TEX2: variants seen among roughly 807,000 people sequenced by gnomAD.
The protein encoded by TEX2 is testis expressed 2, also known as testis-expressed protein 2.
A neutral mutation model predicts 106.9 loss-of-function variants in TEX2; 53 were observed. The observed-to-expected ratio is 0.50, with a 90% CI of 0.40 to 0.62. The LOEUF is 0.62. Among genes scored for constraint, TEX2 ranks in the 20% least tolerant of loss-of-function variants. The probability of loss-of-function intolerance (pLI) is 0.00; values close to 1 mark genes in which losing one functional copy is unlikely to be tolerated. For synonymous variants in TEX2, 523 were observed against 534.8 expected (o/e 0.98, Z 0.30); for missense variants, 1,207 against 1,379.0 (o/e 0.88, Z 1.98).
At chr17:64,220,518 C>T (rs1369096613) in intron 1 of TEX2, among the ~76,000 whole-genome samples, 4 of 151,908 alleles carry the variant, frequency 2.6e-5, no homozygotes, top group African/African-American at 7.3e-5. Flanking sequence ...AAGAAAAAAA[C>T]AACCCCATTA....
intron 1 of TEX2, among the ~76,000 whole-genome samples, chr17:64,219,050 T>C (rs1459305060): frequency 2.0e-5 from 3 of 151,994 alleles, no homozygotes; most frequent in African/African-American, 4.8e-5. Flanking sequence ...CTTTCTCAAA[T>C]ACAATGAATG....
intron 1 of TEX2, among the ~76,000 whole-genome samples, chr17:64,256,879 G>A (rs782401203): frequency 2.6e-5 from 4 of 152,108 alleles, no homozygotes; most frequent in Non-Finnish European, 4.4e-5. Flanking sequence ...TAAGAATACA[G>A]CCCAAAAGAC....
intron 1 of TEX2, among the ~76,000 whole-genome samples, chr17:64,246,727 G>C (rs2033995155): frequency 6.6e-6 from 1 of 152,234 alleles, no homozygotes; most frequent in Non-Finnish European, 1.5e-5. Context: ...AACAGCAGAT[G>C]TGTGTTCTAG....
At chr17:64,203,819 G>A (rs575149991) in intron 2 of TEX2, among the ~76,000 whole-genome samples, 2 of 152,310 alleles carry the variant, frequency 1.3e-5, no homozygotes, top group East Asian at 1.9e-4. Flanking sequence ...CCAACTGCCT[G>A]CTTCAAGGTC....
rs1359966640 is a variant in TEX2 at position 64,228,788 on chromosome 17, T to C, written c.-25-14546A>G. On this transcript the variant is annotated intron_variant, in intron 1 of 11. Coordinates refer to ENST00000584379, the MANE Select transcript of TEX2 (RefSeq NM_001288732.2). ...ACCTTTCATAGGCATTTTGTGTGCA[T>C]ACAAAAGGTAGTGCGCACAAATAAA... Among the ~76,000 whole-genome samples, 4 of 152,200 alleles carry C rather than the reference T, an allele frequency of 2.6e-5. No individual in the cohort carries two copies. The East Asian group carries it at 7.7e-4, about 29-fold the overall frequency.
chr17:64,181,812 G>C (rs552240227), intron 5 of TEX2, among the ~76,000 whole-genome samples: 1 of 132,922 alleles, frequency 7.5e-6, no homozygotes, highest in African/African-American at 2.9e-5. Context: ...CACCATGCCC[G>C]GCTGGTTTTG....
At chr17:64,247,786 C>T (rs2034018299) in intron 1 of TEX2, among the ~76,000 whole-genome samples, 1 of 152,144 alleles carries the variant, frequency 6.6e-6, no homozygotes, top group South Asian at 2.1e-4. Context: ...GCCTGATGAA[C>T]ATCAAAGATC....
At chr17:64,165,688 A>G (rs1027619150) in intron 7 of TEX2, among the ~76,000 whole-genome samples, 1 of 152,044 alleles carries the variant, frequency 6.6e-6, no homozygotes, top group Non-Finnish European at 1.5e-5. Context: ...CACTCCCAAC[A>G]CTGGATGTGA....
At position 64,153,904 on chromosome 17, in the gene TEX2, G is replaced by A. The variant is rs1161508013; in HGVS notation, c.2931-750C>T. Among the ~76,000 whole-genome samples the A allele has an allele frequency of 6.6e-6, 1 of 152,136 alleles. No homozygotes were observed. Among genetic ancestry groups the A allele is most frequent in the Non-Finnish European group, 1.5e-5 (1 of 68,018 alleles). Reference sequence around the variant, plus strand: ...CTATGATCGTGCCACTGCACTCCAGGCCTGGGTGACAGAGCAAGATGCTGT... The same window carrying A: ...CTATGATCGTGCCACTGCACTCCAGACCTGGGTGACAGAGCAAGATGCTGT... On this transcript the variant is annotated intron_variant, in intron 9 of 11. Coordinates refer to ENST00000584379, the MANE Select transcript of TEX2 (RefSeq NM_001288732.2). This position sits in a 1 kb window ranked among gnomAD's most constrained non-coding sequence, Gnocchi z 4.1.
intron 1 of TEX2, among the ~76,000 whole-genome samples, chr17:64,259,922 A>C (rs1161296973): frequency 2.6e-5 from 4 of 152,184 alleles, no homozygotes; most frequent in Non-Finnish European, 5.9e-5. Context: ...TTTCCCCAGG[A>C]ATGTTAACAT....
intron 1 of TEX2, among the ~76,000 whole-genome samples, chr17:64,241,604 C>G (rs1035703727): frequency 6.6e-6 from 1 of 152,040 alleles, no homozygotes; most frequent in Non-Finnish European, 1.5e-5. Flanking sequence ...AAAAGTGGGG[C>G]CTCCTCATCC....
rs2031159556 is a variant in TEX2 at position 64,166,773 on chromosome 17, T to C, written c.2671+4327A>G. Among the ~76,000 whole-genome samples, 3 of 152,224 alleles carry C rather than the reference T, an allele frequency of 2.0e-5. No homozygotes were observed. In the South Asian group the frequency reaches 6.2e-4, roughly 32 times the overall value. ...TTTCCCACAATGAGTATTTGTTGAA[T>C]GAATGAACAAACATTACCCTAATGG... On this transcript the variant is annotated intron_variant, in intron 7 of 11. Coordinates refer to ENST00000584379, the MANE Select transcript of TEX2 (RefSeq NM_001288732.2).
intron 7 of TEX2, among the ~76,000 whole-genome samples, chr17:64,165,469 T>C (rs1325119148): frequency 6.6e-6 from 1 of 152,232 alleles, no homozygotes; most frequent in East Asian, 1.9e-4. Context: ...TAAGTGTTTT[T>C]CTTCCCGTAG....
chr17:64,262,619 TC>T (rs1310887898), intron 1 of TEX2, among the ~76,000 whole-genome samples: 1 of 152,026 alleles, frequency 6.6e-6, no homozygotes, highest in Non-Finnish European at 1.5e-5. Flanking sequence ...AACCTTCCGA[TC>T]CCCCGGATTT....
Position 64,147,432 on chromosome 17 carries a change from A to G in TEX2, c.*1537T>C, listed in dbSNP as rs2030091598. On this transcript the variant is annotated 3_prime_UTR_variant, in exon 12 of 12. Transcript: ENST00000584379. ...TTCCGTAGAAATGACTTAGATGCTT[A>G]TCTAGTATTTGACATTGAGATATTT... 6.6e-6 allele frequency: 1 copy of G among 152,158 alleles called. No homozygotes were observed. Among genetic ancestry groups the G allele is most frequent in the African/African-American group, 2.4e-5 (1 of 41,440 alleles). 9.4% of individuals were successfully genotyped at this position (152,158 alleles called of 1,614,324 possible).
intron 1 of TEX2, among the ~76,000 whole-genome samples, chr17:64,239,915 T>G (rs560143189): frequency 1.9e-4 from 22 of 115,970 alleles, no homozygotes; most frequent in East Asian, 2.6e-4. Context: ...GCAGAGAAGA[T>G]AAGAGAAGAG....
chr17:64,158,533 C>T (rs886651823), intron 8 of TEX2, among the ~76,000 whole-genome samples: 3 of 152,230 alleles, frequency 2.0e-5, no homozygotes, highest in South Asian at 4.1e-4. Flanking sequence ...AAAGGTCACA[C>T]GCTTCAAACA....
intron 7 of TEX2, among the ~76,000 whole-genome samples, chr17:64,168,815 C>T (rs575123658): frequency 9.2e-5 from 14 of 151,968 alleles, no homozygotes; most frequent in African/African-American, 3.4e-4. Context: ...AATAGAGAGG[C>T]CACCTGAGTT....
chr17:64,246,651 G>A (rs1412679198), intron 1 of TEX2, among the ~76,000 whole-genome samples: 3 of 152,210 alleles, frequency 2.0e-5, no homozygotes, highest in Non-Finnish European at 4.4e-5. Context: ...ATACTTTCAT[G>A]AGCAGAGCCC....
Sources: gnomAD v4.1 joint callset for allele counts (sites outside exome capture counted in the v4.1 genomes callset) on GRCh38, gnomAD v4.1.1 for gene constraint, Gnocchi (gnomAD v3.1) non-coding constraint, MANE v1.5 for transcripts, NCBI Gene and HGNC (gene_info 2026-07-23, HGNC 2026-07-21) for gene names.